Variants in PFAS observed in about 807,000 individuals in gnomAD.
The protein encoded by PFAS is FGAM synthase.
PFAS carries 97 observed loss-of-function variants against 140.6 expected under a neutral mutation model. The observed-to-expected ratio is 0.69, with a 90% CI of 0.59 to 0.82. PFAS has a LOEUF of 0.82. Ranked by LOEUF, PFAS falls within the 40% of genes least tolerant of loss-of-function variation. PFAS has a pLI of 0.00. For missense variants in PFAS, 1,656 were observed against 1,780.2 expected, an observed-to-expected ratio of 0.93 and a Z score of 1.26; for synonymous variants, 679 against 718.8, an observed-to-expected ratio of 0.94 and a Z score of 0.88.
intron 16 of PFAS, 57 bp from the exon 17 acceptor site, chr17:8,264,413 C>G: frequency 6.2e-7 from 1 of 1,612,188 alleles, no homozygotes; most frequent in East Asian, 2.2e-5. Flanking sequence ...CACTTTGTCG[C>G]CTGTGTGCCC....
intron 11 of PFAS, chr17:8,262,632 G>GA (rs1989636594): frequency 3.1e-6 from 1 of 323,134 alleles, no homozygotes; most frequent in African/African-American, 2.1e-5. Flanking sequence ...TGTCTCTACT[G>GA]AAAAAATACA....
chr17:8,266,525 AC>A lies in PFAS; in HGVS notation c.2821+175del. Reference sequence around the variant, plus strand: ...GCTGAACTGGATGGAACTGGCTGACACCCACCATGTTCCTGACTGCACCCCT... The same window carrying A: ...GCTGAACTGGATGGAACTGGCTGACACCACCATGTTCCTGACTGCACCCCT... On this transcript the variant is annotated intron_variant, in intron 22 of 27. Coordinates refer to ENST00000314666, the MANE Select transcript of PFAS (RefSeq NM_012393.3). The surrounding 1 kb of genome is among the most constrained non-coding windows in gnomAD (Gnocchi z 5.0). 6.9e-7 allele frequency: 1 copy of A among 1,455,428 alleles called. No individual in the cohort carries two copies. The highest frequency in any genetic ancestry group is 9.0e-7 in the Non-Finnish European group (1 of 1,107,480). The allele number at this position is 1,455,428 out of a possible 1,614,324, so 90.2% of individuals were successfully genotyped here.
Position 8,266,944 on chromosome 17 carries a change from G to A in PFAS, c.2967+46G>A, listed in dbSNP as rs749149521. 5.6e-6 allele frequency: 9 copies of A among 1,599,034 alleles called. No homozygotes were observed. The African/African-American group carries it at 6.7e-5, about 12-fold the overall frequency. On this transcript the variant is annotated intron_variant, in intron 23 of 27. Transcript: ENST00000314666. The surrounding 1 kb of genome is among the most constrained non-coding windows in gnomAD (Gnocchi z 5.0). ...GCGGTGTGCAGTGGGCAGTCAGAGT[G>A]GGGTGGCCGCGGTCCATCCCTCTCC...
rs566054095 is a variant in PFAS, at chr17:8,266,955, G to A, written c.2967+57G>A. The A allele has an allele frequency of 9.4e-6, 15 of 1,600,304 alleles. No individual in the cohort carries two copies. Among genetic ancestry groups the A allele is most frequent in the African/African-American group, 2.7e-5 (2 of 74,916 alleles). On this transcript the variant is annotated intron_variant, in intron 23 of 27. Coordinates refer to ENST00000314666, the MANE Select transcript of PFAS (RefSeq NM_012393.3). The surrounding 1 kb of genome is among the most constrained non-coding windows in gnomAD (Gnocchi z 5.0). ...TGGGCAGTCAGAGTGGGGTGGCCGC[G>A]GTCCATCCCTCTCCCACTGTGGAGG...
chr17:8,267,156 A>G lies in PFAS; in HGVS notation c.3096A>G (p.Glu1032=), dbSNP rs1989849805. ...QAEPRCVAEE[E]RGLRERMGPS... ...AGCCTCGCTGTGTGGCAGAGGAGGA[A>G]CGGGGCCTGAGGGAGCGGATGGGGC... The change falls in exon 24 of 28, where the codon GAA becomes GAG. Residue 1032 remains glutamate (E), a synonymous_variant. Coordinates refer to ENST00000314666, the MANE Select transcript of PFAS (RefSeq NM_012393.3). The surrounding 1 kb of genome is among the most constrained non-coding windows in gnomAD (Gnocchi z 4.9). 2 of 1,610,958 alleles carry G rather than the reference A, an allele frequency of 1.2e-6. No homozygotes were observed. The highest frequency in any genetic ancestry group is 1.7e-6 in the Non-Finnish European group (2 of 1,178,960).
At chr17:8,258,042 G>A in intron 10 of PFAS, 29 bp from the exon 11 acceptor site, 1 of 1,613,896 alleles carries the variant, frequency 6.2e-7, no homozygotes, top group African/African-American at 1.3e-5. Flanking sequence ...GGAACTGAGT[G>A]ACAGGTCCCT....
chr17:8,265,139 CAGCTTCTAT>C lies in PFAS; in HGVS notation c.2280+15_2280+23del. On this transcript the variant is annotated intron_variant, in intron 18 of 27. Transcript: ENST00000314666. The stretch of plus-strand genomic sequence containing the variant: ...ACTGACCTCCGGGTGAGTTCTCCCA[CAGCTTCTAT>C]CCTGGAGCCCCCGGGCTTCAGGACC... The C allele has an allele frequency of 6.2e-7, 1 of 1,602,882 alleles. No individual in the cohort carries two copies. Among genetic ancestry groups the C allele is most frequent in the East Asian group, 2.2e-5 (1 of 44,688 alleles).
At chr17:8,263,714 CA>C (rs1567642363) in intron 14 of PFAS, 60 bp from the exon 15 acceptor site, 17 of 1,602,588 alleles carry the variant, frequency 1.1e-5, no homozygotes, top group Middle Eastern at 1.7e-4. Flanking sequence ...TCTCTTGCAA[CA>C]ACATGAGACG....
rs1989965291 is a variant in PFAS at position 8,270,072 on chromosome 17, T to G, written c.*808T>G. The G allele has an allele frequency of 6.6e-6, 1 of 152,006 alleles. No homozygotes were observed. The highest frequency in any genetic ancestry group is 2.4e-5 in the African/African-American group (1 of 41,360). 9.4% of individuals were successfully genotyped at this position (152,006 alleles called of 1,614,324 possible). On this transcript the variant is annotated 3_prime_UTR_variant, in exon 28 of 28. Transcript: ENST00000314666. ...TTTGTATTTTTAGTAGAGATAGGGT[T>G]TCACCATGTCTCCCAGGCTGGTCTC...
At position 8,267,256 on chromosome 17, in the gene PFAS, G is replaced by C. The variant is rs1342380660; in HGVS notation, c.3175+21G>C. The C allele has an allele frequency of 6.3e-7, 1 of 1,599,366 alleles. No individual in the cohort carries two copies. The highest frequency in any genetic ancestry group is 8.6e-7 in the Non-Finnish European group (1 of 1,168,506). On this transcript the variant is annotated intron_variant, in intron 24 of 27. Coordinates refer to ENST00000314666, the MANE Select transcript of PFAS (RefSeq NM_012393.3). This position sits in a 1 kb window ranked among gnomAD's most constrained non-coding sequence, Gnocchi z 4.9. ...GCCTGGTGAGGGAGTGTGTGCAGAG[G>C]CTCCGCGTCCTGGGGGCACTGAGCC...
intron 1 of PFAS, among the ~76,000 whole-genome samples, chr17:8,250,633 A>G (rs1178171994): frequency 6.6e-6 from 1 of 152,162 alleles, no homozygotes; most frequent in African/African-American, 2.4e-5. Flanking sequence ...TTGGATAGGT[A>G]GTTTGGGATA....
rs544607205 is a variant in PFAS at position 8,264,643 on chromosome 17, C to T, written c.2049+42C>T. 76 of 1,554,216 alleles carry T rather than the reference C, an allele frequency of 4.9e-5. No individual in the cohort carries two copies. In the East Asian group the frequency reaches 7.9e-4, roughly 16 times the overall value. ...TCCTCTGCCCCCTGCCTCCTTCCTC[C>T]GCTCAGCCTCTTCTGCCCTCCCACC... On this transcript the variant is annotated intron_variant, in intron 17 of 27. Coordinates refer to ENST00000314666, the MANE Select transcript of PFAS (RefSeq NM_012393.3).
rs774615536 is a variant in PFAS at position 8,268,808 on chromosome 17, C to T, written c.3658C>T (p.Arg1220Ter). ...RVGPGPALML[R>*]GMEGAVLPVW... ...GGGGCCTGGGCCAGCCCTGATGCTG[C>T]GAGGGATGGAGGGCGCCGTGCTGCC... Residue 1220 changes from arginine (R) to a stop codon, truncating the protein, a stop_gained, in exon 27 of 28, where the codon CGA (arginine) becomes TGA (stop). Transcript: ENST00000314666. LOFTEE classifies it high-confidence loss of function. 4.4e-6 allele frequency: 7 copies of T among 1,607,964 alleles called. No individual in the cohort carries two copies. Among genetic ancestry groups the T allele is most frequent in the Non-Finnish European group, 5.9e-6 (7 of 1,179,766 alleles).
At position 8,265,062 on chromosome 17, in the gene PFAS, C is replaced by T. The variant is rs368550397; in HGVS notation, c.2217C>T (p.Ala739=). The T allele has an allele frequency of 5.2e-5, 84 of 1,613,380 alleles. No individual in the cohort carries two copies. Among genetic ancestry groups the T allele is most frequent in the Non-Finnish European group, 6.7e-5 (79 of 1,179,998 alleles). The change falls in exon 18 of 28, where the codon GCC becomes GCT. Residue 739 remains alanine (A), a synonymous_variant. Coordinates refer to ENST00000314666, the MANE Select transcript of PFAS (RefSeq NM_012393.3). ...PVKSLLDPKV[A]ARLAVAEALT... is the part of the protein sequence containing the mutation. ...AGAGCCTGCTGGACCCAAAAGTCGC[C>T]GCCCGGCTGGCCGTGGCCGAAGCCC...
At chr17:8,248,686 T>C (rs1478678611), upstream of PFAS, among the ~76,000 whole-genome samples, 5 of 151,820 alleles carry the variant, frequency 3.3e-5, no homozygotes, top group Admixed American at 2.6e-4. Flanking sequence ...GCCCACCAAG[T>C]AGCTGGGATC....
At position 8,264,266 on chromosome 17, in the gene PFAS, G is replaced by T. The variant is rs138697840; in HGVS notation, c.1846G>T (p.Ala616Ser). ...CPVRRNGQGD[A>S]PPTPLPTPVD... is the part of the protein sequence containing the mutation. ...TGTCAGAAGAAATGGCCAGGGGGATGCCCCCCCGACACCCCTGCCAACCCC... is the reference window on the plus strand; with the variant it reads ...TGTCAGAAGAAATGGCCAGGGGGATTCCCCCCCGACACCCCTGCCAACCCC... Residue 616 changes from alanine to serine, a missense_variant, in exon 16 of 28, where the codon GCC becomes TCC. Physicochemically the swap from Ala to Ser is moderately conservative, Grantham distance 99. This residue lies in a region of PFAS where 883 missense variants were observed against 1,023.0 expected (regional missense o/e 0.86). Coordinates refer to ENST00000314666, the MANE Select transcript of PFAS (RefSeq NM_012393.3). 24 of 1,612,136 alleles carry T rather than the reference G, an allele frequency of 1.5e-5. No individual in the cohort carries two copies. In the African/African-American group the frequency reaches 3.2e-4, roughly 22 times the overall value.
intron 18 of PFAS, 54 bp from the exon 19 acceptor site, chr17:8,265,234 C>A (rs1290407788): frequency 4.4e-6 from 7 of 1,589,502 alleles, no homozygotes; most frequent in East Asian, 2.2e-5. Context: ...GCCTGCACCC[C>A]TGGCCTCTCC....
intron 1 of PFAS, among the ~76,000 whole-genome samples, chr17:8,250,965 CTT>C (rs59091857): frequency 0.1 from 15,257 of 147,092 alleles, 1,293 homozygotes; most frequent in East Asian, 0.3. Context: ...CTGTGGGAGT[CTT>C]TTTTTTTTTT....
At chr17:8,265,204 A>T in intron 18 of PFAS, 79 bp downstream of exon 18, 1 of 1,567,286 alleles carries the variant, frequency 6.4e-7, no homozygotes, top group South Asian at 1.1e-5. Flanking sequence ...CCTTCATTTC[A>T]TGTTGCAACC....
Sources: gnomAD v4.1 joint callset for allele counts (sites outside exome capture counted in the v4.1 genomes callset) on GRCh38, gnomAD v4.1.1 for gene constraint, gnomAD v4.1.1 regional missense constraint, Gnocchi (gnomAD v3.1) non-coding constraint, MANE v1.5 for transcripts, NCBI Gene and HGNC (gene_info 2026-07-23, HGNC 2026-07-21) for gene names.